The following CADM1 variants were observed in gnomAD, a reference collection of about 807,000 sequenced individuals.
The protein encoded by CADM1 is cell adhesion molecule 1, also known as TSLC-1.
CADM1 carries 15 observed loss-of-function variants against 53.1 expected under a neutral mutation model. The ratio of observed to expected loss-of-function variants is 0.28; its 90% confidence interval spans 0.19 to 0.44. The LOEUF is 0.44. CADM1 is among the 20% of genes least tolerant of loss of function. The pLI is 1.00. For missense variants in CADM1, 434 were observed against 611.3 expected (o/e 0.71, Z 3.06); for synonymous variants, 281 against 243.0 (o/e 1.16, Z -1.45).
chr11:115,388,460 C>T (rs1946755248), intron 1 of CADM1, among the ~76,000 whole-genome samples: 1 of 151,998 alleles, frequency 6.6e-6, no homozygotes, highest in Admixed American at 6.6e-5. Context: ...AGTGCCTTCC[C>T]ACGGATTGCT....
At chr11:115,249,261 A>G (rs1942511836) in intron 1 of CADM1, among the ~76,000 whole-genome samples, 1 of 152,240 alleles carries the variant, frequency 6.6e-6, no homozygotes, top group Non-Finnish European at 1.5e-5. Flanking sequence ...ATAATATGAT[A>G]TTATACTCTA....
At chr11:115,466,488 C>T (rs1385740649) in intron 1 of CADM1, among the ~76,000 whole-genome samples, 1 of 152,120 alleles carries the variant, frequency 6.6e-6, no homozygotes, top group Non-Finnish European at 1.5e-5. Flanking sequence ...ATTAATACAA[C>T]CCAACTACTT....
At chr11:115,231,249 T>C in intron 4 of CADM1, 104 bp downstream of exon 4, 1 of 1,245,844 alleles carries the variant, frequency 8.0e-7, no homozygotes, top group Non-Finnish European at 1.2e-6. Context: ...TCTAAATGAA[T>C]ACTTTTGTTT....
intron 1 of CADM1, among the ~76,000 whole-genome samples, chr11:115,428,697 T>G (rs1276224111): frequency 6.6e-6 from 1 of 152,080 alleles, no homozygotes; most frequent in Non-Finnish European, 1.5e-5. Flanking sequence ...AATATACCAC[T>G]GACAGAATGT....
chr11:115,491,922 G>A (rs1949505908), intron 1 of CADM1, among the ~76,000 whole-genome samples: 1 of 152,090 alleles, frequency 6.6e-6, no homozygotes, highest in African/African-American at 2.4e-5. Flanking sequence ...TGGACACAGG[G>A]CAGGGAACAT....
chr11:115,431,301 C>A (rs568004668), intron 1 of CADM1, among the ~76,000 whole-genome samples: 2 of 152,186 alleles, frequency 1.3e-5, no homozygotes, highest in East Asian at 3.9e-4. Context: ...CATACCCAGC[C>A]CATCACCAAG....
chr11:115,334,465 A>G (rs1945212881), intron 1 of CADM1, among the ~76,000 whole-genome samples: 1 of 145,846 alleles, frequency 6.9e-6, no homozygotes, highest in African/African-American at 2.6e-5. Flanking sequence ...TACAGTACTC[A>G]TCAATTGATG....
At chr11:115,408,333 C>T (rs902167602) in intron 1 of CADM1, among the ~76,000 whole-genome samples, 1 of 152,224 alleles carries the variant, frequency 6.6e-6, no homozygotes, top group Non-Finnish European at 1.5e-5. Flanking sequence ...CCAAGCACAA[C>T]AGCTCATTTC....
At chr11:115,493,279 A>G (rs936176848) in intron 1 of CADM1, among the ~76,000 whole-genome samples, 5 of 137,408 alleles carry the variant, frequency 3.6e-5, no homozygotes, top group African/African-American at 8.1e-5. Context: ...GTAATTTTCT[A>G]AAAAAAAAAA....
chr11:115,484,179 T>C (rs933814607), intron 1 of CADM1, among the ~76,000 whole-genome samples: 2 of 152,126 alleles, frequency 1.3e-5, no homozygotes, highest in Non-Finnish European at 2.9e-5. Flanking sequence ...CTCCCACACA[T>C]CAATTTCATT....
At chr11:115,234,088 T>C (rs1258058364) in intron 3 of CADM1, among the ~76,000 whole-genome samples, 1 of 152,220 alleles carries the variant, frequency 6.6e-6, no homozygotes. Context: ...TCAAACATAC[T>C]CAGATGGTTG....
At chr11:115,407,124 G>C (rs1462248800) in intron 1 of CADM1, among the ~76,000 whole-genome samples, 1 of 152,044 alleles carries the variant, frequency 6.6e-6, no homozygotes, top group Non-Finnish European at 1.5e-5. Context: ...TAACTGTAAT[G>C]ATTCACTACC....
chr11:115,417,301 G>A (rs757714603), intron 1 of CADM1, among the ~76,000 whole-genome samples: 1 of 152,166 alleles, frequency 6.6e-6, no homozygotes, highest in Non-Finnish European at 1.5e-5. Context: ...CCGTTTACGG[G>A]AAACTTGTGG....
chr11:115,469,548 T>C (rs1226364697), intron 1 of CADM1, among the ~76,000 whole-genome samples: 5 of 152,198 alleles, frequency 3.3e-5, no homozygotes, highest in African/African-American at 1.2e-4. Context: ...CTGTAAATTG[T>C]CTACATGCAT....
chr11:115,442,489 A>G (rs1948339554), intron 1 of CADM1, among the ~76,000 whole-genome samples: 1 of 152,206 alleles, frequency 6.6e-6, no homozygotes, highest in Non-Finnish European at 1.5e-5. Flanking sequence ...CAGTGCAGGT[A>G]CATTAGCCAA....
At chr11:115,504,153 C>A (rs1949798179) in intron 1 of CADM1, 118 bp downstream of exon 1, 1 of 1,444,292 alleles carries the variant, frequency 6.9e-7, no homozygotes, top group South Asian at 1.3e-5. Flanking sequence ...ACACTCCCTC[C>A]GCTTCGGATG....
At chr11:115,249,990 C>T (rs1051639949) in intron 1 of CADM1, among the ~76,000 whole-genome samples, 6 of 152,116 alleles carry the variant, frequency 3.9e-5, no homozygotes, top group Admixed American at 6.5e-5. Context: ...CTGCAAGCTC[C>T]GCCTCCCGGG....
At chr11:115,240,773 T>C in intron 1 of CADM1, 1 of 291,500 alleles carries the variant, frequency 3.4e-6, no homozygotes, top group East Asian at 8.1e-5. Flanking sequence ...GTAGGGAAGA[T>C]AGACACAGCC....
chr11:115,321,323 T>C (rs555529286), intron 1 of CADM1, among the ~76,000 whole-genome samples: 1 of 152,306 alleles, frequency 6.6e-6, no homozygotes, highest in South Asian at 2.1e-4. Flanking sequence ...CAACATCCTA[T>C]GGAGTAAATA....
Sources: gnomAD v4.1 joint callset for allele counts (sites outside exome capture counted in the v4.1 genomes callset) on GRCh38, gnomAD v4.1.1 for gene constraint, MANE v1.5 for transcripts, NCBI Gene and HGNC (gene_info 2026-07-23, HGNC 2026-07-21) for gene names.